CHRNB4: variants seen among roughly 807,000 people sequenced by gnomAD.
CHRNB4 encodes the protein neuronal acetylcholine receptor subunit beta-4.
Under a neutral mutation model 40.4 loss-of-function variants are expected in CHRNB4, and 23 were observed. That is an observed-to-expected ratio of 0.57 (90% CI 0.41 to 0.81). CHRNB4 has a LOEUF of 0.81. Ranked by LOEUF, CHRNB4 falls within the 30% of genes least tolerant of loss-of-function variation. CHRNB4 has a pLI of 0.00. For synonymous variants in CHRNB4, 285 were observed against 274.4 expected (o/e 1.04, Z -0.38); for missense variants, 568 against 670.6 (o/e 0.85, Z 1.69).
upstream of CHRNB4, chr15:78,661,510 T>C (rs896877019): frequency 1.9e-6 from 1 of 535,208 alleles, no homozygotes; most frequent in Non-Finnish European, 3.7e-6. Flanking sequence ...GCCAGAAAGC[T>C]GTACAGCTTG....
In CHRNB4 at chr15:78,650,722, C is replaced by T. The variant is rs377625021; in HGVS notation, c.-15-1283G>A. On this transcript the variant is annotated intron_variant and NMD_transcript_variant, in intron 6 of 11. Coordinates refer to the CHRNB4 transcript ENST00000559849. ...GGTCTAGGTCCATTCTGCCGGTGTA[C>T]AGCAAGTCAATCACTGTGACACAGG... is the stretch of plus-strand genomic sequence containing the variant. Among the ~76,000 whole-genome samples the T allele has an allele frequency of 3.2e-4, 49 of 152,294 alleles. 1 individual carries two copies. The East Asian group carries it at 6.2e-3, about 19-fold the overall frequency.
rs2053618027 is a variant in CHRNB4 at position 78,625,047 on chromosome 15, G to C, written c.*86C>G. 4 of 1,607,050 alleles carry C rather than the reference G, an allele frequency of 2.5e-6. No homozygotes were observed. In the East Asian group the frequency reaches 8.9e-5, roughly 36 times the overall value. On this transcript the variant is annotated 3_prime_UTR_variant, in exon 6 of 6. Coordinates refer to ENST00000261751, the MANE Select transcript of CHRNB4 (RefSeq NM_000750.5). The stretch of plus-strand genomic sequence containing the variant: ...TGGCCAATGCTCACATATTTACTTA[G>C]GGCCTCATCAGCCACAACCCAGAAA...
chr15:78,658,206 T>C (rs2054229763), intron 2 of CHRNB4: 1 of 151,938 alleles, frequency 6.6e-6, no homozygotes, highest in African/African-American at 2.4e-5. Flanking sequence ...AATTTTTGTA[T>C]TTTTAGTAGA....
chr15:78,631,035 G>T, intron 4 of CHRNB4, 41 bp downstream of exon 4: 1 of 1,526,548 alleles, frequency 6.6e-7, no homozygotes, highest in Non-Finnish European at 9.1e-7. Context: ...CTGCTGCCCT[G>T]GCCTGGCTGT....
At chr15:78,636,287 C>A (rs904967395) in intron 1 of CHRNB4, among the ~76,000 whole-genome samples, 3 of 152,234 alleles carry the variant, frequency 2.0e-5, no homozygotes, top group African/African-American at 7.2e-5. Flanking sequence ...CACCTCCCCA[C>A]CCCTGCCCTC....
At chr15:78,639,369 C>A (rs1317696855) in intron 1 of CHRNB4, among the ~76,000 whole-genome samples, 1 of 152,152 alleles carries the variant, frequency 6.6e-6, no homozygotes, top group Non-Finnish European at 1.5e-5. Context: ...GATCTCAGCT[C>A]ACTGCTGCAA....
chr15:78,652,170 T>C (rs1399091377), intron 6 of CHRNB4, among the ~76,000 whole-genome samples: 1 of 152,264 alleles, frequency 6.6e-6, no homozygotes, highest in African/African-American at 2.4e-5. Flanking sequence ...CAGTAATTCC[T>C]GCCTGTATCT....
chr15:78,637,852 G>A (rs2053987291), intron 1 of CHRNB4, among the ~76,000 whole-genome samples: 2 of 152,144 alleles, frequency 1.3e-5, no homozygotes, highest in African/African-American at 4.8e-5. Flanking sequence ...TCTCCAGAGG[G>A]GGGTCCTATG....
At chr15:78,645,602 C>A (rs949868490), upstream of CHRNB4, among the ~76,000 whole-genome samples, 13 of 152,104 alleles carry the variant, frequency 8.5e-5, no homozygotes, top group Non-Finnish European at 1.5e-5. Context: ...TTGTGGCAAC[C>A]TGCTCATTAA....
intron 6 of CHRNB4, among the ~76,000 whole-genome samples, chr15:78,650,884 C>T (rs775799303): frequency 3.9e-5 from 6 of 152,110 alleles, no homozygotes. Flanking sequence ...AGGTGATTGG[C>T]AGCGGGGAAA....
chr15:78,633,233 A>G (rs1004837580), intron 2 of CHRNB4, among the ~76,000 whole-genome samples: 1 of 152,226 alleles, frequency 6.6e-6, no homozygotes, highest in Non-Finnish European at 1.5e-5. Context: ...CTACAACTAG[A>G]TAAGATTATC....
chr15:78,633,987 C>T (rs1338930756), intron 2 of CHRNB4, among the ~76,000 whole-genome samples: 1 of 152,106 alleles, frequency 6.6e-6, no homozygotes, highest in African/African-American at 2.4e-5. Context: ...GAGTCAATGA[C>T]AAAACAGCTG....
At chr15:78,644,881 T>C (rs1397523761), upstream of CHRNB4, among the ~76,000 whole-genome samples, 3 of 152,210 alleles carry the variant, frequency 2.0e-5, no homozygotes, top group African/African-American at 7.2e-5. Context: ...CCCTTGGCAT[T>C]GCCAACCACA....
At chr15:78,639,171 G>C (rs1385513083) in intron 1 of CHRNB4, among the ~76,000 whole-genome samples, 1 of 152,196 alleles carries the variant, frequency 6.6e-6, no homozygotes, top group Non-Finnish European at 1.5e-5. Context: ...ACTACAGAAA[G>C]TAACAGTTAA....
chr15:78,649,304 TTG>T, intron 7 of CHRNB4: 1 of 415,232 alleles, frequency 2.4e-6, no homozygotes, highest in Non-Finnish European at 4.7e-6. Flanking sequence ...ATAGTCACCC[TTG>T]TGTAGTGAGA....
rs542824924 is a variant in CHRNB4 at position 78,633,126 on chromosome 15, T to G, written c.205-1794A>C. On this transcript the variant is annotated intron_variant, in intron 2 of 5. Transcript: ENST00000261751. ...GGCCTTCTTTAGTACTTTGGATAAG[T>G]CTTGTGTTCTCAGTCTGTACAATTT... Among the ~76,000 whole-genome samples the G allele has an allele frequency of 3.3e-5, 5 of 152,288 alleles. No individual in the cohort carries two copies. In the East Asian group the frequency reaches 9.7e-4, roughly 29 times the overall value.
chr15:78,632,383 C>G (rs534290707), intron 2 of CHRNB4, among the ~76,000 whole-genome samples: 9 of 152,016 alleles, frequency 5.9e-5, no homozygotes, highest in Non-Finnish European at 1.2e-4. Context: ...TCTTTGCTCA[C>G]TGCAACCTCC....
chr15:78,628,356 A>C (rs899564404), intron 5 of CHRNB4, among the ~76,000 whole-genome samples: 4 of 152,284 alleles, frequency 2.6e-5, no homozygotes, highest in Admixed American at 2.0e-4. Context: ...TGTGTTCCCT[A>C]AAGCCTGCAG....
chr15:78,634,613 G>A, intron 2 of CHRNB4: 2 of 425,758 alleles, frequency 4.7e-6, no homozygotes, highest in Non-Finnish European at 9.5e-6. Context: ...CATTTCAGAA[G>A]GCAGCTACCT....
Sources: allele counts gnomAD v4.1 joint callset (sites outside exome capture counted in the v4.1 genomes callset), GRCh38; gene constraint gnomAD v4.1.1; transcripts MANE v1.5; gene names NCBI Gene and HGNC (gene_info 2026-07-23, HGNC 2026-07-21).